The following CFAP61 variants were observed in gnomAD, a reference collection of about 807,000 sequenced individuals.
CFAP61 encodes cilia and flagella associated protein 61.
In CFAP61, 107 loss-of-function variants were observed where a neutral mutation model predicts 135.6. The observed-to-expected ratio is 0.79, with a 90% CI of 0.67 to 0.93. The LOEUF (loss-of-function observed/expected upper bound fraction) is 0.93. CFAP61 is among the 40% of genes least tolerant of loss of function. CFAP61 has a pLI of 0.00. For synonymous variants in CFAP61, 575 were observed against 578.5 expected (o/e 0.99, Z 0.09); for missense variants, 1,507 against 1,556.2 (o/e 0.97, Z 0.53).
intron 17 of CFAP61, among the ~76,000 whole-genome samples, chr20:20,212,831 G>A (rs1261607956): frequency 6.6e-6 from 1 of 152,184 alleles, no homozygotes; most frequent in Non-Finnish European, 1.5e-5. Context: ...CAGTATTGTT[G>A]TGTACTGATC....
chr20:20,060,077 GAA>G (rs11354098), intron 2 of CFAP61, among the ~76,000 whole-genome samples: 2,757 of 148,036 alleles, frequency 0.019, 70 homozygotes, highest in African/African-American at 0.06. Context: ...AACAGAGGGG[GAA>G]AAAAAAAAAA....
chr20:20,254,761 C>G (rs1300835719), intron 20 of CFAP61, among the ~76,000 whole-genome samples: 3 of 152,130 alleles, frequency 2.0e-5, no homozygotes, highest in Non-Finnish European at 4.4e-5. Context: ...AGAAGACAAC[C>G]CTCTATAAAA....
At chr20:20,124,855 T>G (rs758665942) in intron 8 of CFAP61, among the ~76,000 whole-genome samples, 3 of 151,762 alleles carry the variant, frequency 2.0e-5, no homozygotes, top group African/African-American at 4.9e-5. Context: ...GTCCTGGACT[T>G]TTTTTTGTTG....
At chr20:20,143,654 G>T (rs1349024578) in intron 9 of CFAP61, among the ~76,000 whole-genome samples, 2 of 152,330 alleles carry the variant, frequency 1.3e-5, no homozygotes, top group African/African-American at 4.8e-5. Context: ...GAATCCTGTG[G>T]CTGCCCCAGT....
At chr20:20,258,382 GC>G (rs2051835575) in intron 20 of CFAP61, 1 of 152,094 alleles carries the variant, frequency 6.6e-6, no homozygotes, top group Admixed American at 6.5e-5. Flanking sequence ...TCAGAGGATG[GC>G]CACAAAAACA....
At chr20:20,190,026 C>T (rs1013095856) in intron 14 of CFAP61, among the ~76,000 whole-genome samples, 1 of 152,202 alleles carries the variant, frequency 6.6e-6, no homozygotes, top group African/African-American at 2.4e-5. Context: ...CTCAGGTGAT[C>T]TGCCTGCCTC....
At chr20:20,243,112 A>G (rs2050138127) in intron 18 of CFAP61, among the ~76,000 whole-genome samples, 1 of 152,170 alleles carries the variant, frequency 6.6e-6, no homozygotes, top group Non-Finnish European at 1.5e-5. Flanking sequence ...ATCATGGTGG[A>G]AGGCAAGGAG....
intron 14 of CFAP61, among the ~76,000 whole-genome samples, chr20:20,189,999 G>T (rs1274503599): frequency 1.3e-5 from 2 of 152,136 alleles, no homozygotes; most frequent in Non-Finnish European, 2.9e-5. Context: ...TGGCCAGGCT[G>T]GTCTCGAACT....
intron 1 of CFAP61, among the ~76,000 whole-genome samples, chr20:20,053,129 C>T (rs953329555): frequency 5.3e-5 from 8 of 152,160 alleles, no homozygotes; most frequent in African/African-American, 1.9e-4. Context: ...TAAAACAAGG[C>T]TAATAACATC....
In CFAP61 at chr20:20,360,593, C is replaced by G. The variant is rs559745122; in HGVS notation, c.*183C>G. The stretch of plus-strand genomic sequence containing the variant: ...TTCTATCATCCCAGTAGGTGGCACA[C>G]GGCCGTGTGCCTCTCTTCTGGGGCA... On this transcript the variant is annotated 3_prime_UTR_variant, in exon 27 of 27. Transcript: ENST00000245957. 6.7e-6 allele frequency: 4 copies of G among 599,540 alleles called. No individual in the cohort carries two copies. The highest frequency in any genetic ancestry group is 8.8e-6 in the Non-Finnish European group (3 of 340,878). 37.1% of individuals were successfully genotyped at this position (599,540 alleles called of 1,614,324 possible).
intron 22 of CFAP61, among the ~76,000 whole-genome samples, chr20:20,287,368 G>C (rs933081229): frequency 6.6e-6 from 1 of 152,216 alleles, no homozygotes; most frequent in Non-Finnish European, 1.5e-5. Flanking sequence ...GATGGAAATA[G>C]GCTGTATCTG....
intron 25 of CFAP61, among the ~76,000 whole-genome samples, chr20:20,318,512 C>T (rs1248261982): frequency 6.6e-6 from 1 of 152,182 alleles, no homozygotes; most frequent in African/African-American, 2.4e-5. Flanking sequence ...CCGAGGAGTG[C>T]AGGGCTGGCA....
intron 21 of CFAP61, among the ~76,000 whole-genome samples, chr20:20,264,122 T>C (rs1200806970): frequency 6.6e-6 from 1 of 152,204 alleles, no homozygotes; most frequent in Non-Finnish European, 1.5e-5. Context: ...ATTCAACATT[T>C]TAAAATGAGT....
intron 13 of CFAP61, among the ~76,000 whole-genome samples, chr20:20,183,976 C>G (rs75043002): frequency 0.012 from 1,763 of 152,316 alleles, 36 homozygotes; most frequent in African/African-American, 0.041. Flanking sequence ...GTTGTGACCC[C>G]TGATCAACAG....
chr20:20,198,660 C>T (rs2056442302), intron 16 of CFAP61, among the ~76,000 whole-genome samples: 1 of 151,966 alleles, frequency 6.6e-6, no homozygotes, highest in South Asian at 2.1e-4. Context: ...TCTCTGTATC[C>T]CTCTGGTCAG....
chr20:20,081,949 C>G (rs1225786406), intron 6 of CFAP61, among the ~76,000 whole-genome samples: 3 of 152,162 alleles, frequency 2.0e-5, no homozygotes, highest in African/African-American at 7.2e-5. Flanking sequence ...AGTGCCTTTG[C>G]CTGCAGAAGG....
At chr20:20,231,049 C>G (rs1396401855) in intron 18 of CFAP61, among the ~76,000 whole-genome samples, 1 of 152,158 alleles carries the variant, frequency 6.6e-6, no homozygotes, top group Non-Finnish European at 1.5e-5. Context: ...ATTTGGTCTC[C>G]TCTTCAAAGG....
At chr20:20,239,822 T>G (rs1047019474) in intron 18 of CFAP61, among the ~76,000 whole-genome samples, 3 of 152,166 alleles carry the variant, frequency 2.0e-5, no homozygotes, top group African/African-American at 7.2e-5. Context: ...AAAAGAGGTT[T>G]CCAGTAGCTG....
rs749767956 is a variant in CFAP61, at chr20:20,118,344, C to CT, written c.859+19544dup. Among the ~76,000 whole-genome samples, 569 of 112,058 alleles carry CT rather than the reference C, an allele frequency of 5.1e-3. 4 individuals are homozygous for CT. Among genetic ancestry groups the CT allele is most frequent in the African/African-American group, 0.017 (515 of 30,250 alleles). 73.5% of individuals were successfully genotyped at this position (112,058 alleles called of 152,430 possible). ...TGTCTCTCTCTCTGTCTTTCTTCTT[C>CT]TTTTTTTTTTTTTTAAACAGGGTTT... On this transcript the variant is annotated intron_variant, in intron 8 of 26. Coordinates refer to ENST00000245957, the MANE Select transcript of CFAP61 (RefSeq NM_015585.4).
Sources: gnomAD v4.1 joint callset for allele counts (sites outside exome capture counted in the v4.1 genomes callset) on GRCh38, gnomAD v4.1.1 for gene constraint, MANE v1.5 for transcripts, NCBI Gene and HGNC (gene_info 2026-07-23, HGNC 2026-07-21) for gene names.